The following RNF150 variants were observed in gnomAD, a reference collection of about 807,000 sequenced individuals.
RNF150 encodes ring finger protein 150.
RNF150 carries 24 observed loss-of-function variants against 39.3 expected under a neutral mutation model. The ratio of observed to expected loss-of-function variants is 0.61; its 90% CI spans 0.44 to 0.86. RNF150 has a LOEUF of 0.86. RNF150 is among the 40% of genes least tolerant of loss of function. The pLI, the probability that RNF150 is intolerant of heterozygous loss-of-function variation, is 0.00. For missense variants in RNF150, 502 were observed against 587.8 expected (o/e 0.85, Z 1.51); for synonymous variants, 255 against 227.3 (o/e 1.12, Z -1.10).
At chr4:141,070,871 C>T (rs1737668185) in intron 1 of RNF150, among the ~76,000 whole-genome samples, 1 of 149,708 alleles carries the variant, frequency 6.7e-6, no homozygotes, top group Non-Finnish European at 1.5e-5. Flanking sequence ...ACCCAGCCAT[C>T]CCATTACTGG....
At chr4:140,881,573 T>G (rs940380545) in intron 6 of RNF150, among the ~76,000 whole-genome samples, 1 of 152,190 alleles carries the variant, frequency 6.6e-6, no homozygotes, top group Non-Finnish European at 1.5e-5. Flanking sequence ...TTTGACCCAC[T>G]GGTTATACAA....
At chr4:141,082,628 G>T (rs1051075128) in intron 1 of RNF150, among the ~76,000 whole-genome samples, 2 of 151,082 alleles carry the variant, frequency 1.3e-5, no homozygotes, top group African/African-American at 4.9e-5. Context: ...TCGCTCTGTC[G>T]CCCAGGCTGG....
At chr4:141,200,002 G>A (rs1263422125) in intron 1 of RNF150, among the ~76,000 whole-genome samples, 3 of 152,076 alleles carry the variant, frequency 2.0e-5, no homozygotes, top group Non-Finnish European at 4.4e-5. Context: ...GCTAAATCCA[G>A]GTTGACCAGT....
At chr4:140,949,125 C>G (rs569106367) in intron 3 of RNF150, among the ~76,000 whole-genome samples, 176 bp downstream of exon 3, 9 of 152,250 alleles carry the variant, frequency 5.9e-5, no homozygotes, top group African/African-American at 2.2e-4. Flanking sequence ...ATAGCATACG[C>G]ATTTTATAAC....
chr4:141,149,018 G>A (rs1278972188), intron 1 of RNF150, among the ~76,000 whole-genome samples: 1 of 152,196 alleles, frequency 6.6e-6, no homozygotes, highest in South Asian at 2.1e-4. Flanking sequence ...CTGAACAGAA[G>A]GTTTAACTTG....
intron 1 of RNF150, among the ~76,000 whole-genome samples, chr4:141,138,689 A>G (rs1040458332): frequency 2.0e-5 from 3 of 152,146 alleles, no homozygotes; most frequent in Non-Finnish European, 2.9e-5. Flanking sequence ...GCGCCAGGCA[A>G]TCCAGGATTA....
At chr4:140,995,269 G>T (rs1386538024) in intron 1 of RNF150, among the ~76,000 whole-genome samples, 2 of 152,162 alleles carry the variant, frequency 1.3e-5, no homozygotes, top group Middle Eastern at 6.3e-3. Context: ...CAAGCCAGTG[G>T]TGTTAGCAGC....
At chr4:140,974,294 C>T (rs985067360) in intron 1 of RNF150, among the ~76,000 whole-genome samples, 3 of 152,154 alleles carry the variant, frequency 2.0e-5, no homozygotes, top group African/African-American at 7.2e-5. Context: ...GGCTTTTTCT[C>T]ATTCAGCATA....
chr4:141,108,581 T>A (rs1739288204), intron 1 of RNF150, among the ~76,000 whole-genome samples: 1 of 152,202 alleles, frequency 6.6e-6, no homozygotes, highest in Non-Finnish European at 1.5e-5. Flanking sequence ...GAAATCAGAA[T>A]GCTTCTGACA....
intron 1 of RNF150, among the ~76,000 whole-genome samples, chr4:141,149,523 AAT>A (rs1406432066): frequency 6.6e-6 from 1 of 152,222 alleles, no homozygotes; most frequent in African/African-American, 2.4e-5. Flanking sequence ...CACTTAGAAT[AAT>A]AGTCTTCAGT....
chr4:140,952,678 G>C (rs1280770227), intron 2 of RNF150, among the ~76,000 whole-genome samples: 1 of 152,306 alleles, frequency 6.6e-6, no homozygotes, highest in East Asian at 1.9e-4. Context: ...TAATGGCTAG[G>C]GAATTAGAAA....
At chr4:140,942,846 A>G (rs1464350179) in intron 4 of RNF150, among the ~76,000 whole-genome samples, 1 of 152,218 alleles carries the variant, frequency 6.6e-6, no homozygotes, top group Non-Finnish European at 1.5e-5. Flanking sequence ...ACCAAAGATG[A>G]TAACATGAGT....
At chr4:141,144,344 A>G (rs908756519) in intron 1 of RNF150, among the ~76,000 whole-genome samples, 24 of 152,180 alleles carry the variant, frequency 1.6e-4, no homozygotes, top group African/African-American at 5.5e-4. Context: ...AAGCTTTCCA[A>G]TCTTCTTGCC....
At chr4:141,075,035 TA>T (rs1409618826) in intron 1 of RNF150, among the ~76,000 whole-genome samples, 1 of 152,228 alleles carries the variant, frequency 6.6e-6, no homozygotes, top group African/African-American at 2.4e-5. Flanking sequence ...TGAGTTTTGT[TA>T]GTGTGATTCA....
chr4:140,935,206 G>T (rs113613688), intron 4 of RNF150, among the ~76,000 whole-genome samples: 174 of 150,716 alleles, frequency 1.2e-3, no homozygotes, highest in African/African-American at 3.9e-3. Flanking sequence ...ACAAAGAAAG[G>T]ATATCAGATC....
Position 141,132,619 on chromosome 4 carries a change from C to T in RNF150, c.190G>A (p.Gly64Ser). ...GTCTTCTCCGTGTGCAGCTCCGCGCCGCCGCCGCCCGCCGCCCCGGCCCCG... is the reference window on the plus strand; with the variant it reads ...GTCTTCTCCGTGTGCAGCTCCGCGCTGCCGCCGCCCGCCGCCCCGGCCCCG... ...DPGAGAAGGGGAELHTEKTEC... is the reference protein window; with the variant it reads ...DPGAGAAGGGSAELHTEKTEC... The change falls in exon 1 of 7, where the codon GGC (glycine) becomes AGC (serine). Residue 64 changes from glycine (G) to serine (S), a missense_variant. Transcript: ENST00000515673. This position sits in a 1 kb window ranked among gnomAD's most constrained non-coding sequence, Gnocchi z 4.9. 1 of 1,541,618 alleles carries T rather than the reference C, an allele frequency of 6.5e-7. No individual in the cohort carries two copies. Among genetic ancestry groups the T allele is most frequent in the Non-Finnish European group, 8.7e-7 (1 of 1,147,494 alleles).
At chr4:140,916,321 T>A (rs1730826365) in intron 5 of RNF150, among the ~76,000 whole-genome samples, 1 of 152,068 alleles carries the variant, frequency 6.6e-6, no homozygotes, top group Admixed American at 6.5e-5. Flanking sequence ...AATGGATAAC[T>A]AGAATAACCA....
At chr4:141,006,506 G>C (rs541905955) in intron 1 of RNF150, among the ~76,000 whole-genome samples, 14 of 152,300 alleles carry the variant, frequency 9.2e-5, no homozygotes, top group African/African-American at 2.6e-4. Context: ...CAAATGTCAA[G>C]TTTCTTTAAA....
At chr4:141,000,020 GA>G (rs1331605221) in intron 1 of RNF150, among the ~76,000 whole-genome samples, 2 of 30,664 alleles carry the variant, frequency 6.5e-5, no homozygotes, top group African/African-American at 1.0e-4. Flanking sequence ...AGAAGAAGAA[GA>G]AGAAGAAGAA....
Sources: allele counts gnomAD v4.1 joint callset (sites outside exome capture counted in the v4.1 genomes callset), GRCh38; gene constraint gnomAD v4.1.1; non-coding constraint Gnocchi (gnomAD v3.1); transcripts MANE v1.5; gene names NCBI Gene and HGNC (gene_info 2026-07-23, HGNC 2026-07-21).